The following CHST12 variants were observed in gnomAD, a reference collection of about 807,000 sequenced individuals.
CHST12 encodes carbohydrate sulfotransferase 12.
A neutral mutation model predicts 27.9 loss-of-function variants in CHST12; 23 were observed. The observed-to-expected ratio is 0.82, with a 90% CI of 0.59 to 1.17. CHST12 has a LOEUF of 1.17. Ranked by LOEUF, CHST12 falls within the 50% of genes most tolerant of loss-of-function variation. The pLI, the probability that CHST12 is intolerant of heterozygous loss-of-function variation, is 0.00. For missense variants in CHST12, 682 were observed against 603.0 expected, an observed-to-expected ratio of 1.13 and a Z score of -1.37; for synonymous variants, 322 against 273.0, an observed-to-expected ratio of 1.18 and a Z score of -1.77.
chr7:2,438,849 G>GGGAC lies in CHST12; in HGVS notation c.*4968_*4971dup, dbSNP rs2115457129. ...AGCCATTGTGTCCCATGGTTGATAC[G>GGGAC]GGACGGGGCTGATTTCCTGACCTGG... On this transcript the variant is annotated 3_prime_UTR_variant, in exon 2 of 2. Transcript: ENST00000618655. 1 of 147,012 alleles carries GGGAC rather than the reference G, an allele frequency of 6.8e-6. No individual in the cohort carries two copies. Among genetic ancestry groups the GGGAC allele is most frequent in the Admixed American group, 6.6e-5 (1 of 15,084 alleles). 9.1% of individuals were successfully genotyped at this position (147,012 alleles called of 1,614,324 possible).
Position 2,408,461 on chromosome 7 carries a change from T to C in CHST12, c.-78+4788T>C, listed in dbSNP as rs146281679. ...AACAAGAGGAGAAAGTAAAAACAAA[T>C]CACAAATAGGTCATCACAGGTCAAG... On this transcript the variant is annotated intron_variant, in intron 1 of 1. Transcript: ENST00000618655. Among the ~76,000 whole-genome samples the C allele has an allele frequency of 2.3e-3, 345 of 147,300 alleles. 1 individual carries two copies. Among genetic ancestry groups the C allele is most frequent in the African/African-American group, 8.0e-3 (317 of 39,846 alleles).
rs1562520362 is a variant in CHST12 at position 2,433,032 on chromosome 7, C to T, written c.393C>T (p.Phe131=). 1.9e-6 allele frequency: 3 copies of T among 1,611,496 alleles called. No individual in the cohort carries two copies. Among genetic ancestry groups the T allele is most frequent in the Non-Finnish European group, 2.5e-6 (3 of 1,179,534 alleles). Residue 131 remains phenylalanine (F), a synonymous_variant, in exon 2 of 2, where the codon TTC becomes TTT. Transcript: ENST00000618655. This position sits in a 1 kb window ranked among gnomAD's most constrained non-coding sequence, Gnocchi z 6.1. ...QAERRSVLRG[F]CANSSLAFPT... ...AGCGGAGGAGCGTGCTGCGGGGCTT[C>T]TGCGCCAACTCCAGCCTGGCCTTCC...
chr7:2,416,372 AT>A (rs1781809359), intron 1 of CHST12, among the ~76,000 whole-genome samples: 1 of 152,192 alleles, frequency 6.6e-6, no homozygotes, highest in Admixed American at 6.6e-5. Flanking sequence ...TCAAACTTCT[AT>A]TAATGTTGCT....
At chr7:2,427,808 T>A (rs1472030220) in intron 1 of CHST12, among the ~76,000 whole-genome samples, 1 of 152,128 alleles carries the variant, frequency 6.6e-6, no homozygotes, top group Non-Finnish European at 1.5e-5. Context: ...GGTCATGCCG[T>A]GACTCCTTTT....
chr7:2,409,621 C>T (rs1485040849), intron 1 of CHST12, among the ~76,000 whole-genome samples: 1 of 40,082 alleles, frequency 2.5e-5, no homozygotes, highest in East Asian at 1.4e-3. Context: ...GATCCTGTCT[C>T]AAAGAAAAAA....
At chr7:2,405,039 G>A (rs892876919) in intron 1 of CHST12, among the ~76,000 whole-genome samples, 1 of 152,176 alleles carries the variant, frequency 6.6e-6, no homozygotes, top group Non-Finnish European at 1.5e-5. Context: ...CTATGAATTG[G>A]GGCGTTTGGA....
intron 1 of CHST12, among the ~76,000 whole-genome samples, chr7:2,432,047 C>T (rs942685488): frequency 2.8e-5 from 4 of 144,970 alleles, no homozygotes; most frequent in African/African-American, 1.0e-4. Flanking sequence ...TCAGCCTTGG[C>T]AGGAGAATGG....
upstream of CHST12, chr7:2,403,517 C>T (rs1221964657): frequency 1.3e-5 from 2 of 151,528 alleles, no homozygotes; most frequent in Non-Finnish European, 3.0e-5. Flanking sequence ...CGTGGCCCCT[C>T]CGGCGGCCGC....
intron 1 of CHST12, among the ~76,000 whole-genome samples, chr7:2,412,647 A>C (rs1781695212): frequency 6.6e-6 from 1 of 152,200 alleles, no homozygotes; most frequent in Non-Finnish European, 1.5e-5. Flanking sequence ...CTGCCTAAAC[A>C]TATACTGTAG....
rs1358035251 is a variant in CHST12 at position 2,427,704 on chromosome 7, G to T, written c.-77-4859G>T. On this transcript the variant is annotated intron_variant, in intron 1 of 1. Coordinates refer to ENST00000618655, the MANE Select transcript of CHST12 (RefSeq NM_018641.5). ...ATAATGAATGGATATGGGTTTTGTTGTTCCTTCCTGTAGGAGTTGATTTTT... is the reference window on the plus strand; with the variant it reads ...ATAATGAATGGATATGGGTTTTGTTTTTCCTTCCTGTAGGAGTTGATTTTT... Among the ~76,000 whole-genome samples, 4 of 152,040 alleles carry T rather than the reference G, an allele frequency of 2.6e-5. No individual in the cohort carries two copies. In the South Asian group the frequency reaches 8.3e-4, roughly 32 times the overall value.
intron 1 of CHST12, among the ~76,000 whole-genome samples, chr7:2,416,913 C>T (rs79123816): frequency 1.4e-4 from 21 of 152,162 alleles, no homozygotes; most frequent in Non-Finnish European, 1.6e-4. Flanking sequence ...ATTTTACCTG[C>T]GATAAATAAG....
At position 2,438,636 on chromosome 7, in the gene CHST12, A is replaced by T. The variant is rs1194775334; in HGVS notation, c.*4752A>T. ...AAAAGGGAAAGCTTGGCTTGCATGG[A>T]CGTAATTAACCTAAAAGTCTTTAAA... is the stretch of plus-strand genomic sequence containing the variant. On this transcript the variant is annotated 3_prime_UTR_variant, in exon 2 of 2. Coordinates refer to ENST00000618655, the MANE Select transcript of CHST12 (RefSeq NM_018641.5). The T allele has an allele frequency of 6.6e-6, 1 of 152,190 alleles. No homozygotes were observed. Among genetic ancestry groups the T allele is most frequent in the Non-Finnish European group, 1.5e-5 (1 of 68,034 alleles). The allele number at this position is 152,190 out of a possible 1,614,324, so 9.4% of individuals were successfully genotyped here. A position where few individuals can be genotyped will look rare whatever the true frequency, so the allele number is the denominator to read the frequency against.
chr7:2,441,315 C>T lies in CHST12; in HGVS notation c.*7431C>T, dbSNP rs1782599455. The stretch of plus-strand genomic sequence containing the variant: ...CGGCAGTGCCTTCCAGCCTAGGTCT[C>T]CTGCCCCTGGGCTGGAGTTCATCTT... On this transcript the variant is annotated 3_prime_UTR_variant, in exon 2 of 2. Transcript: ENST00000618655. 1 of 152,158 alleles carries T rather than the reference C, an allele frequency of 6.6e-6. No individual in the cohort carries two copies. The highest frequency in any genetic ancestry group is 1.9e-4 in the East Asian group (1 of 5,192). 9.4% of individuals were successfully genotyped at this position (152,158 alleles called of 1,614,324 possible).
At position 2,440,880 on chromosome 7, in the gene CHST12, C is replaced by G. The variant is rs529103720; in HGVS notation, c.*6996C>G. On this transcript the variant is annotated 3_prime_UTR_variant, in exon 2 of 2. Coordinates refer to ENST00000618655, the MANE Select transcript of CHST12 (RefSeq NM_018641.5). ...CTCCGGCCGTGTGAAGTTACCACCT[C>G]GTGAGTGGTCATAAGTTAGCGTGTC... is the stretch of plus-strand genomic sequence containing the variant. The G allele has an allele frequency of 6.6e-6, 1 of 152,156 alleles. No homozygotes were observed. The highest frequency in any genetic ancestry group is 1.5e-5 in the Non-Finnish European group (1 of 68,044). The allele number at this position is 152,156 out of a possible 1,614,324, so 9.4% of individuals were successfully genotyped here. A position where few individuals can be genotyped will look rare whatever the true frequency, so the allele number is the denominator to read the frequency against.
chr7:2,442,744 A>T lies in CHST12; in HGVS notation c.*8860A>T, dbSNP rs937874074. The T allele has an allele frequency of 2.0e-5, 3 of 152,338 alleles. No individual in the cohort carries two copies. The highest frequency in any genetic ancestry group is 4.4e-5 in the Non-Finnish European group (3 of 68,162). The allele number at this position is 152,338 out of a possible 1,614,324, so 9.4% of individuals were successfully genotyped here. On this transcript the variant is annotated 3_prime_UTR_variant, in exon 2 of 2. Transcript: ENST00000618655. ...AATACTGGCCTGCGGCCCCTTAGGA[A>T]CTGGACTGCACAGCAGGAGGTGAGC...
chr7:2,424,521 C>A (rs980692171), intron 1 of CHST12, among the ~76,000 whole-genome samples: 2 of 152,100 alleles, frequency 1.3e-5, no homozygotes, highest in African/African-American at 4.8e-5. Flanking sequence ...GAAGCTTATG[C>A]CGGAAGAAGT....
chr7:2,426,021 T>C (rs538679938), intron 1 of CHST12, among the ~76,000 whole-genome samples: 2 of 152,028 alleles, frequency 1.3e-5, no homozygotes, highest in South Asian at 4.2e-4. Context: ...CGGGGCTCGC[T>C]AGATCAGCAG....
chr7:2,421,083 A>G (rs1364054461), intron 1 of CHST12, among the ~76,000 whole-genome samples: 1 of 151,470 alleles, frequency 6.6e-6, no homozygotes, highest in African/African-American at 2.4e-5. Context: ...TTTGAGACAG[A>G]GTCTCACTCT....
At chr7:2,423,636 T>C (rs1345822673) in intron 1 of CHST12, among the ~76,000 whole-genome samples, 2 of 152,226 alleles carry the variant, frequency 1.3e-5, no homozygotes, top group Non-Finnish European at 2.9e-5. Flanking sequence ...CATGCTGAGC[T>C]CTGTGGGTCC....
Sources: gnomAD v4.1 joint callset for allele counts (sites outside exome capture counted in the v4.1 genomes callset) on GRCh38, gnomAD v4.1.1 for gene constraint, Gnocchi (gnomAD v3.1) non-coding constraint, MANE v1.5 for transcripts, NCBI Gene and HGNC (gene_info 2026-07-23, HGNC 2026-07-21) for gene names.